The following ZNF804B variants were observed in gnomAD, a reference collection of about 807,000 sequenced individuals.
ZNF804B encodes zinc finger protein 804B.
In ZNF804B, 80 loss-of-function variants were observed where a neutral mutation model predicts 101.4. That is an observed-to-expected ratio of 0.79 (90% CI 0.66 to 0.95). ZNF804B has a LOEUF of 0.95. ZNF804B is among the 40% of genes least tolerant of loss of function. The pLI is 0.00. For synonymous variants in ZNF804B, 622 were observed against 558.8 expected, an observed-to-expected ratio of 1.11 and a Z score of -1.59; for missense variants, 1,673 against 1,561.9, an observed-to-expected ratio of 1.07 and a Z score of -1.20.
At chr7:88,882,995 G>A (rs1328595586) in intron 1 of ZNF804B, among the ~76,000 whole-genome samples, 3 of 151,846 alleles carry the variant, frequency 2.0e-5, no homozygotes, top group Non-Finnish European at 2.9e-5. Flanking sequence ...TGTACCCCCT[G>A]AATCTAAAAT....
At position 89,336,355 on chromosome 7, in the gene ZNF804B, C is replaced by A. The variant is rs776473105; in HGVS notation, c.3373C>A (p.Pro1125Thr). 19 of 1,613,898 alleles carry A rather than the reference C, an allele frequency of 1.2e-5. No homozygotes were observed. The highest frequency in any genetic ancestry group is 1.5e-5 in the Non-Finnish European group (18 of 1,180,000). Reference protein sequence around the residue: ...NSYYDRTMQKPDKVEDGLEMC... With the variant: ...NSYYDRTMQKTDKVEDGLEMC... ...TTACTATGACAGAACTATGCAGAAA[C>A]CTGACAAAGTCGAAGACGGATTAGA... The change falls in exon 4 of 4, where the codon CCT becomes ACT. Residue 1125 changes from proline to threonine, a missense_variant. Pro to Thr is a conservative substitution (Grantham distance 38, BLOSUM62 -1). Coordinates refer to ENST00000333190, the MANE Select transcript of ZNF804B (RefSeq NM_181646.5).
At position 88,824,670 on chromosome 7, in the gene ZNF804B, G is replaced by A. The variant is rs574313410; in HGVS notation, c.108+64586G>A. ...TCTATTTCTTCACTATCTCCCATAAGCTTGATGGTGAATAAAGCTCATTTT... is the reference window on the plus strand; with the variant it reads ...TCTATTTCTTCACTATCTCCCATAAACTTGATGGTGAATAAAGCTCATTTT... On this transcript the variant is annotated intron_variant, in intron 1 of 3. Transcript: ENST00000333190. Among the ~76,000 whole-genome samples, 53 of 152,176 alleles carry A rather than the reference G, an allele frequency of 3.5e-4. 1 individual carries two copies. The highest frequency in any genetic ancestry group is 1.3e-3 in the African/African-American group (53 of 41,544).
chr7:89,221,166 A>G lies in ZNF804B; in HGVS notation c.249+2871A>G, dbSNP rs565667218. Among the ~76,000 whole-genome samples the G allele has an allele frequency of 1.2e-4, 18 of 152,122 alleles. No homozygotes were observed. In the South Asian group the frequency reaches 3.7e-3, roughly 31 times the overall value. ...TTTTCTCACTAATGATTTCGTAGAC[A>G]TCAATGATCATTTGCTCAAATATCT... On this transcript the variant is annotated intron_variant, in intron 2 of 3. Coordinates refer to ENST00000333190, the MANE Select transcript of ZNF804B (RefSeq NM_181646.5).
chr7:89,152,492 C>T (rs968774248), intron 1 of ZNF804B, among the ~76,000 whole-genome samples: 1 of 151,792 alleles, frequency 6.6e-6, no homozygotes, highest in Non-Finnish European at 1.5e-5. Flanking sequence ...GAATGTGTCC[C>T]ATTTTTCAAT....
chr7:88,827,663 C>A (rs1407072501), intron 1 of ZNF804B, among the ~76,000 whole-genome samples: 2 of 151,964 alleles, frequency 1.3e-5, no homozygotes, highest in Non-Finnish European at 1.5e-5. Context: ...TTTGGCTCAA[C>A]CTAATTTATT....
intron 2 of ZNF804B, among the ~76,000 whole-genome samples, chr7:89,257,676 T>C (rs149177371): frequency 0.015 from 2,326 of 152,270 alleles, 26 homozygotes; most frequent in Non-Finnish European, 0.022. Context: ...GTAAATTGCA[T>C]GTTGTAGGGC....
intron 3 of ZNF804B, among the ~76,000 whole-genome samples, chr7:89,332,097 A>G (rs1790994026): frequency 1.3e-5 from 2 of 151,740 alleles, no homozygotes; most frequent in African/African-American, 4.8e-5. Context: ...AGGGAAAAGC[A>G]TACAAGCACA....
intron 1 of ZNF804B, among the ~76,000 whole-genome samples, chr7:88,975,019 G>C (rs1584048702): frequency 6.6e-6 from 1 of 151,442 alleles, no homozygotes; most frequent in East Asian, 2.0e-4. Flanking sequence ...AAATAAGTGA[G>C]AATATGTGAA....
At chr7:89,045,780 C>T (rs904884368) in intron 1 of ZNF804B, among the ~76,000 whole-genome samples, 2 of 152,092 alleles carry the variant, frequency 1.3e-5, no homozygotes, top group African/African-American at 4.8e-5. Context: ...ATTTCATAGG[C>T]TCTTAGGTGG....
At chr7:89,235,759 A>T (rs1387399139) in intron 2 of ZNF804B, among the ~76,000 whole-genome samples, 2 of 147,522 alleles carry the variant, frequency 1.4e-5, no homozygotes, top group African/African-American at 2.5e-5. Flanking sequence ...TTAGGCCCCA[A>T]TTTTTTTTTT....
intron 2 of ZNF804B, among the ~76,000 whole-genome samples, chr7:89,280,566 A>G (rs1030617191): frequency 6.6e-6 from 1 of 152,200 alleles, no homozygotes; most frequent in Admixed American, 6.5e-5. Flanking sequence ...AAAATGATAA[A>G]GGGGATATCA....
At chr7:88,840,768 T>G (rs1791283046) in intron 1 of ZNF804B, among the ~76,000 whole-genome samples, 2 of 152,146 alleles carry the variant, frequency 1.3e-5, no homozygotes, top group African/African-American at 4.8e-5. Context: ...GGAGGTAGGA[T>G]AAAGTGTTAT....
chr7:88,862,563 CG>C (rs1791665829), intron 1 of ZNF804B, among the ~76,000 whole-genome samples: 2 of 152,146 alleles, frequency 1.3e-5, no homozygotes, highest in Non-Finnish European at 2.9e-5. Context: ...ATTTATTCCA[CG>C]GGTCCTAAAG....
At chr7:89,046,952 C>A (rs1364935908) in intron 1 of ZNF804B, among the ~76,000 whole-genome samples, 1 of 152,040 alleles carries the variant, frequency 6.6e-6, no homozygotes, top group African/African-American at 2.4e-5. Flanking sequence ...TATAACCTTA[C>A]CTTCATAACT....
chr7:89,260,345 C>A (rs1224932799), intron 2 of ZNF804B, among the ~76,000 whole-genome samples: 1 of 147,876 alleles, frequency 6.8e-6, no homozygotes, highest in Non-Finnish European at 1.5e-5. Flanking sequence ...TCCTTTGTGG[C>A]ACTTTTTTTT....
At position 89,317,003 on chromosome 7, in the gene ZNF804B, C is replaced by G. The variant is rs373613157; in HGVS notation, c.250-10341C>G. Among the ~76,000 whole-genome samples, 11 of 152,272 alleles carry G rather than the reference C, an allele frequency of 7.2e-5. No individual in the cohort carries two copies. In the East Asian group the frequency reaches 2.1e-3, roughly 29 times the overall value. ...AACACTCCCTTTACTTTCAGCCTAG[C>G]AGCAAGTACAGAGAAATGTTATCTA... On this transcript the variant is annotated intron_variant, in intron 2 of 3. Coordinates refer to ENST00000333190, the MANE Select transcript of ZNF804B (RefSeq NM_181646.5).
At chr7:88,856,474 T>C (rs1791560954) in intron 1 of ZNF804B, among the ~76,000 whole-genome samples, 1 of 152,194 alleles carries the variant, frequency 6.6e-6, no homozygotes, top group African/African-American at 2.4e-5. Context: ...GAGACTTTGC[T>C]GAAGTTGCCT....
chr7:88,944,418 C>T (rs1270993615), intron 1 of ZNF804B, among the ~76,000 whole-genome samples: 1 of 151,458 alleles, frequency 6.6e-6, no homozygotes, highest in African/African-American at 2.4e-5. Context: ...AAATATTTTG[C>T]TTATTTTTAT....
At chr7:89,142,979 C>T (rs1424213028) in intron 1 of ZNF804B, among the ~76,000 whole-genome samples, 3 of 151,966 alleles carry the variant, frequency 2.0e-5, no homozygotes, top group Non-Finnish European at 4.4e-5. Flanking sequence ...AGACCTATTT[C>T]TGTGAAGTGA....
Sources: gnomAD v4.1 joint callset for allele counts (sites outside exome capture counted in the v4.1 genomes callset) on GRCh38, gnomAD v4.1.1 for gene constraint, MANE v1.5 for transcripts, NCBI Gene and HGNC (gene_info 2026-07-23, HGNC 2026-07-21) for gene names.